The following PRKG1 variants were observed in gnomAD, a reference collection of about 807,000 sequenced individuals.
The protein encoded by PRKG1 is cGMP-dependent protein kinase 1.
Under a neutral mutation model 88.1 loss-of-function variants are expected in PRKG1, and 35 were observed. That is an observed-to-expected ratio of 0.40 (90% CI 0.30 to 0.53). The LOEUF (loss-of-function observed/expected upper bound fraction) is 0.53, where lower values mean the gene tolerates loss of function less well. PRKG1 is among the 20% of genes least tolerant of loss of function. The pLI, the probability that PRKG1 is intolerant of heterozygous loss-of-function variation, is 0.59. For missense variants in PRKG1, 540 were observed against 839.8 expected, an observed-to-expected ratio of 0.64 and a Z score of 4.41; for synonymous variants, 303 against 292.5, an observed-to-expected ratio of 1.04 and a Z score of -0.37.
intron 4 of PRKG1, among the ~76,000 whole-genome samples, chr10:51,847,915 CT>C (rs952920753): frequency 2.3e-5 from 3 of 128,716 alleles, no homozygotes; most frequent in Non-Finnish European, 3.2e-5. Context: ...GTCTAAAGCA[CT>C]TTTTTTCAAG....
At chr10:51,500,503 C>G (rs1315645410) in intron 3 of PRKG1, among the ~76,000 whole-genome samples, 1 of 152,172 alleles carries the variant, frequency 6.6e-6, no homozygotes, top group African/African-American at 2.4e-5. Context: ...GTTCAGGTAT[C>G]AGACATTAGA....
intron 2 of PRKG1, among the ~76,000 whole-genome samples, chr10:51,218,513 A>G (rs1838432484): frequency 8.2e-6 from 1 of 122,006 alleles, no homozygotes; most frequent in Non-Finnish European, 1.7e-5. Context: ...ATATATATAT[A>G]TATATATATA....
At chr10:51,922,086 G>C (rs1310845577) in intron 5 of PRKG1, among the ~76,000 whole-genome samples, 1 of 151,754 alleles carries the variant, frequency 6.6e-6, no homozygotes, top group Non-Finnish European at 1.5e-5. Context: ...TAGTTTCTTT[G>C]ATAGATAAAG....
At chr10:51,108,729 C>G (rs755833933) in intron 1 of PRKG1, among the ~76,000 whole-genome samples, 4 of 152,116 alleles carry the variant, frequency 2.6e-5, no homozygotes, top group African/African-American at 4.8e-5. Flanking sequence ...GAGGATGCCT[C>G]TCTTTCCACT....
At chr10:52,193,609 C>T (rs1839431180) in intron 9 of PRKG1, among the ~76,000 whole-genome samples, 1 of 146,090 alleles carries the variant, frequency 6.8e-6, no homozygotes. Flanking sequence ...TCATTTAACA[C>T]TGTGGATTTT....
intron 2 of PRKG1, among the ~76,000 whole-genome samples, chr10:51,287,951 G>A (rs1242765720): frequency 6.6e-6 from 1 of 152,048 alleles, no homozygotes; most frequent in African/African-American, 2.4e-5. Flanking sequence ...TTTTATAAAA[G>A]AAATGCAGTA....
chr10:52,205,155 G>C (rs1274720670), intron 9 of PRKG1, among the ~76,000 whole-genome samples: 1 of 152,088 alleles, frequency 6.6e-6, no homozygotes, highest in Non-Finnish European at 1.5e-5. Context: ...CTCTGCTCTT[G>C]AACCCTGACA....
chr10:51,884,429 A>G (rs7921102), intron 4 of PRKG1, among the ~76,000 whole-genome samples: 22,152 of 85,220 alleles, frequency 0.26, 2,753 homozygotes, highest in East Asian at 0.45. Context: ...TGGGCGACAG[A>G]GTGAAACTCC....
At position 51,541,570 on chromosome 10, in the gene PRKG1, T is replaced by G. The variant is rs1842302949; in HGVS notation, c.592+73734T>G. ...TGCATTAAAAGCATAGGAAAAGCAA[T>G]AAAGAAAATGGGTAATGGTCAAATA... is the stretch of plus-strand genomic sequence containing the variant. On this transcript the variant is annotated intron_variant, in intron 3 of 17. Transcript: ENST00000373980. 2.0e-5 allele frequency among the ~76,000 whole-genome samples: 3 copies of G among 152,148 alleles called. No individual in the cohort carries two copies. In the South Asian group the frequency reaches 6.2e-4, roughly 31 times the overall value.
intron 1 of PRKG1, among the ~76,000 whole-genome samples, chr10:51,036,258 A>G (rs1194316898): frequency 1.3e-5 from 2 of 152,156 alleles, no homozygotes; most frequent in Non-Finnish European, 2.9e-5. Flanking sequence ...TATTTTTACC[A>G]TTTCAATCTT....
At position 51,588,347 on chromosome 10, in the gene PRKG1, A is replaced by T. The variant is rs922687669; in HGVS notation, c.592+120511A>T. 6.7e-5 allele frequency among the ~76,000 whole-genome samples: 7 copies of T among 104,372 alleles called. 1 individual carries two copies. Among genetic ancestry groups the T allele is most frequent in the Non-Finnish European group, 1.4e-4 (7 of 50,944 alleles). 68.5% of individuals were successfully genotyped at this position (104,372 alleles called of 152,430 possible). A position where few individuals can be genotyped will look rare whatever the true frequency, so the allele number is the denominator to read the frequency against. ...ACCTAAAATCTTTTATCTAGAACAGAGATTTGGAAATTTAAATATAAAAAG... is the reference window on the plus strand; with the variant it reads ...ACCTAAAATCTTTTATCTAGAACAGTGATTTGGAAATTTAAATATAAAAAG... On this transcript the variant is annotated intron_variant, in intron 3 of 17. Coordinates refer to ENST00000373980, the MANE Select transcript of PRKG1 (RefSeq NM_006258.4).
At chr10:51,963,667 C>T (rs181724822) in intron 5 of PRKG1, among the ~76,000 whole-genome samples, 7 of 151,984 alleles carry the variant, frequency 4.6e-5, no homozygotes, top group South Asian at 4.2e-4. Flanking sequence ...AGGCTGGTCT[C>T]GAACTCCTAG....
At chr10:52,265,638 AC>A (rs1841553464) in intron 10 of PRKG1, among the ~76,000 whole-genome samples, 1 of 152,072 alleles carries the variant, frequency 6.6e-6, no homozygotes, top group Non-Finnish European at 1.5e-5. Context: ...GCAACCAGAT[AC>A]CCTAGGTAGA....
intron 4 of PRKG1, among the ~76,000 whole-genome samples, chr10:51,835,784 C>G (rs1840116592): frequency 6.6e-6 from 1 of 152,092 alleles, no homozygotes; most frequent in Non-Finnish European, 1.5e-5. Context: ...TATGGTAGTT[C>G]TATTTCAAAT....
In PRKG1 at chr10:51,160,762, C is replaced by T. The variant is rs183277887; in HGVS notation, c.478+7432C>T. 4.6e-5 allele frequency among the ~76,000 whole-genome samples: 7 copies of T among 152,248 alleles called. No individual in the cohort carries two copies. In the East Asian group the frequency reaches 1.4e-3, roughly 29 times the overall value. On this transcript the variant is annotated intron_variant, in intron 2 of 17. Coordinates refer to ENST00000373980, the MANE Select transcript of PRKG1 (RefSeq NM_006258.4). Reference sequence around the variant, plus strand: ...TTTTACTGTTGGGGGGACAGCTTTACATACATTGGAACTTAATCCTTATTG... The same window carrying T: ...TTTTACTGTTGGGGGGACAGCTTTATATACATTGGAACTTAATCCTTATTG...
intron 1 of PRKG1, among the ~76,000 whole-genome samples, chr10:51,099,259 AT>A (rs1263111887): frequency 6.6e-6 from 1 of 152,068 alleles, no homozygotes; most frequent in African/African-American, 2.4e-5. Context: ...AGGGGCAGAG[AT>A]GGGGGAAGAA....
chr10:52,122,738 G>A (rs1023509299), intron 7 of PRKG1, among the ~76,000 whole-genome samples: 8 of 152,058 alleles, frequency 5.3e-5, no homozygotes, highest in Non-Finnish European at 1.2e-4. Context: ...AAAGAAACTA[G>A]GATTCAGAAT....
chr10:51,553,856 TATATA>T (rs555024121), intron 3 of PRKG1, among the ~76,000 whole-genome samples: 6 of 109,238 alleles, frequency 5.5e-5, no homozygotes, highest in South Asian at 7.0e-4. Context: ...TAGATACGTG[TATATA>T]ATATATGTAT....
At chr10:51,556,089 A>C (rs752763230) in intron 3 of PRKG1, among the ~76,000 whole-genome samples, 2 of 152,022 alleles carry the variant, frequency 1.3e-5, no homozygotes, top group Non-Finnish European at 2.9e-5. Context: ...AAAGAAAGCA[A>C]AGATTTCAAA....
Sources: allele counts gnomAD v4.1 joint callset (sites outside exome capture counted in the v4.1 genomes callset), GRCh38; gene constraint gnomAD v4.1.1; transcripts MANE v1.5; gene names NCBI Gene and HGNC (gene_info 2026-07-23, HGNC 2026-07-21).